Variants in SLX4IP observed in about 807,000 individuals in gnomAD.
SLX4IP encodes the protein SLX4 interacting protein, also known as protein SLX4IP.
In SLX4IP, 34 loss-of-function variants were observed where a neutral mutation model predicts 32.9. The observed-to-expected ratio is 1.03, with a 90% confidence interval of 0.79 to 1.38. SLX4IP has a LOEUF of 1.38. SLX4IP is among the 40% of genes most tolerant of loss of function. The pLI is 0.00. For synonymous variants in SLX4IP, 172 were observed against 171.7 expected (o/e 1.00, Z -0.01); for missense variants, 444 against 479.0 (o/e 0.93, Z 0.68).
intron 1 of SLX4IP, among the ~76,000 whole-genome samples, chr20:10,445,933 CT>C (rs749557514): frequency 0.061 from 3,673 of 60,550 alleles, 89 homozygotes; most frequent in African/African-American, 0.11. Context: ...GCTGAGATTG[CT>C]TTTTTTTTTT....
At chr20:10,610,654 A>G (rs2066955779) in intron 6 of SLX4IP, among the ~76,000 whole-genome samples, 1 of 152,256 alleles carries the variant, frequency 6.6e-6, no homozygotes. Context: ...TGGTCTCAGA[A>G]CAAATGTCCA....
chr20:10,545,135 G>A (rs999981846), intron 2 of SLX4IP, among the ~76,000 whole-genome samples: 6 of 152,110 alleles, frequency 3.9e-5, no homozygotes, highest in African/African-American at 1.2e-4. Context: ...TCTGAGAACC[G>A]GTAGTCTAGG....
rs547172271 is a variant in SLX4IP, at chr20:10,449,736, T to C, written c.-29-8440T>C. Among the ~76,000 whole-genome samples the C allele has an allele frequency of 4.0e-3, 616 of 152,344 alleles. 15 individuals are homozygous for C. In the South Asian group the frequency reaches 0.066, roughly 16 times the overall value. ...TAACTTGAGGCAGAGTGTGTTATGA[T>C]ATTAAAAACAGACTAAAATATTCAG... On this transcript the variant is annotated intron_variant, in intron 1 of 7. Coordinates refer to ENST00000334534, the MANE Select transcript of SLX4IP (RefSeq NM_001009608.3).
chr20:10,549,359 G>A lies in SLX4IP; in HGVS notation c.28-6872G>A, dbSNP rs544352240. Among the ~76,000 whole-genome samples, 81 of 152,254 alleles carry A rather than the reference G, an allele frequency of 5.3e-4. No individual in the cohort carries two copies. The Middle Eastern group carries it at 0.014, about 26-fold the overall frequency. On this transcript the variant is annotated intron_variant, in intron 2 of 7. Coordinates refer to ENST00000334534, the MANE Select transcript of SLX4IP (RefSeq NM_001009608.3). Reference sequence around the variant, plus strand: ...CATGGGGCCCTACAGTGAGCTCTCCGTATCTGTGTTGGAATGGAATCAGAC... The same window carrying A: ...CATGGGGCCCTACAGTGAGCTCTCCATATCTGTGTTGGAATGGAATCAGAC...
At chr20:10,437,785 A>G (rs1300485107) in intron 1 of SLX4IP, among the ~76,000 whole-genome samples, 2 of 152,242 alleles carry the variant, frequency 1.3e-5, no homozygotes, top group Non-Finnish European at 2.9e-5. Context: ...TACAATATTC[A>G]TTGCTTCTAG....
At chr20:10,443,653 A>G (rs1430646883) in intron 1 of SLX4IP, among the ~76,000 whole-genome samples, 1 of 152,154 alleles carries the variant, frequency 6.6e-6, no homozygotes, top group Non-Finnish European at 1.5e-5. Context: ...TGCCTGTGCC[A>G]TAAGATGGAG....
chr20:10,618,262 G>C (rs1304649551), intron 6 of SLX4IP, among the ~76,000 whole-genome samples: 2 of 152,212 alleles, frequency 1.3e-5, no homozygotes, highest in African/African-American at 4.8e-5. Context: ...GCCTGCCTAG[G>C]CTGCTTAGGT....
At chr20:10,592,953 A>G (rs1474695658) in intron 4 of SLX4IP, among the ~76,000 whole-genome samples, 1 of 151,954 alleles carries the variant, frequency 6.6e-6, no homozygotes, top group Non-Finnish European at 1.5e-5. Context: ...TAAGTATATT[A>G]TATGTTCCTA....
chr20:10,449,307 A>G (rs114558714), intron 1 of SLX4IP, among the ~76,000 whole-genome samples: 9,163 of 152,296 alleles, frequency 0.06, 326 homozygotes, highest in Admixed American at 0.087. Flanking sequence ...AATTAATTCA[A>G]ACTTCATTTT....
At chr20:10,490,939 G>A (rs78713582) in intron 2 of SLX4IP, among the ~76,000 whole-genome samples, 3,761 of 152,088 alleles carry the variant, frequency 0.025, 96 homozygotes, top group Admixed American at 0.093. Context: ...CCCTCACAGG[G>A]GGGTATCCAG....
intron 1 of SLX4IP, among the ~76,000 whole-genome samples, chr20:10,453,726 C>T (rs780717570): frequency 3.6e-5 from 5 of 137,016 alleles, no homozygotes; most frequent in Non-Finnish European, 8.2e-5. Context: ...CTACTACCCC[C>T]CAACGCACTT....
At chr20:10,541,447 G>A (rs1041031626) in intron 2 of SLX4IP, among the ~76,000 whole-genome samples, 4 of 152,198 alleles carry the variant, frequency 2.6e-5, no homozygotes, top group African/African-American at 9.7e-5. Context: ...GTCACTTTAA[G>A]GAAGTGTCTA....
intron 4 of SLX4IP, among the ~76,000 whole-genome samples, chr20:10,566,283 A>ATTTTTTTT (rs59907123): frequency 5.1e-5 from 5 of 97,882 alleles, no homozygotes; most frequent in African/African-American, 9.0e-5. Context: ...AACTGATTAC[A>ATTTTTTTT]TTTTTTTTTT....
intron 3 of SLX4IP, 71 bp from the exon 4 acceptor site, chr20:10,560,629 A>C (rs2066322299): frequency 8.6e-7 from 1 of 1,162,582 alleles, no homozygotes; most frequent in African/African-American, 1.6e-5. Context: ...TTCATTGTTA[A>C]CTTTTTAATA....
rs1244523427 is a variant in SLX4IP, at chr20:10,627,791, G to T, written c.*4412G>T. ...ATAAAACCTTATGTTTGACCCTAAA[G>T]TATTTGATCAGGGAACAGAAGGTGT... is the stretch of plus-strand genomic sequence containing the variant. On this transcript the variant is annotated 3_prime_UTR_variant, in exon 8 of 8. Transcript: ENST00000334534. 6.6e-6 allele frequency: 1 copy of T among 152,184 alleles called. No individual in the cohort carries two copies. Among genetic ancestry groups the T allele is most frequent in the Non-Finnish European group, 1.5e-5 (1 of 68,024 alleles). 9.4% of individuals were successfully genotyped at this position (152,184 alleles called of 1,614,324 possible). A position where few individuals can be genotyped will look rare whatever the true frequency, so the allele number is the denominator to read the frequency against.
intron 4 of SLX4IP, among the ~76,000 whole-genome samples, chr20:10,584,389 G>A (rs1004167325): frequency 3.3e-5 from 5 of 152,104 alleles, no homozygotes; most frequent in African/African-American, 1.2e-4. Flanking sequence ...TAAAGAACTA[G>A]GATAACCTCT....
intron 1 of SLX4IP, among the ~76,000 whole-genome samples, chr20:10,455,415 A>T (rs916476545): frequency 4.6e-5 from 7 of 152,092 alleles, no homozygotes; most frequent in Admixed American, 3.9e-4. Context: ...GTGATGTAGC[A>T]GTCTAACTTT....
chr20:10,588,632 T>A lies in SLX4IP; in HGVS notation c.239-10043T>A, dbSNP rs1320220886. Among the ~76,000 whole-genome samples the A allele has an allele frequency of 5.9e-5, 9 of 152,322 alleles. No individual in the cohort carries two copies. The East Asian group carries it at 7.7e-4, about 13-fold the overall frequency. On this transcript the variant is annotated intron_variant, in intron 4 of 7. Transcript: ENST00000334534. ...CAGCACTGATGAACCTGGAGTGCAT[T>A]ATGCTACATGAAGTAAGCCAGACAT...
At chr20:10,463,119 C>T (rs536640665) in intron 2 of SLX4IP, among the ~76,000 whole-genome samples, 83 of 152,170 alleles carry the variant, frequency 5.5e-4, no homozygotes, top group African/African-American at 1.9e-3. Flanking sequence ...ATACCCTCTT[C>T]GTTGGGGAGA....
Sources: allele counts gnomAD v4.1 joint callset (sites outside exome capture counted in the v4.1 genomes callset), GRCh38; gene constraint gnomAD v4.1.1; transcripts MANE v1.5; gene names NCBI Gene and HGNC (gene_info 2026-07-23, HGNC 2026-07-21).